GRIK2: variants seen among roughly 807,000 people sequenced by gnomAD.
GRIK2 encodes glutamate ionotropic receptor kainate type subunit 2, also known as glutamate receptor ionotropic, kainate 2.
In GRIK2, 32 loss-of-function variants were observed where a neutral mutation model predicts 100.3. The ratio of observed to expected loss-of-function variants is 0.32; its 90% CI spans 0.24 to 0.43. GRIK2 has a LOEUF of 0.43. Among genes scored for constraint, GRIK2 ranks in the 20% least tolerant of loss-of-function variants. The probability of loss-of-function intolerance (pLI) is 1.00; values close to 1 mark genes in which losing one functional copy is unlikely to be tolerated. For missense variants in GRIK2, 843 were observed against 1,114.9 expected (o/e 0.76, Z 3.47); for synonymous variants, 417 against 389.4 (o/e 1.07, Z -0.83).
intron 4 of GRIK2, among the ~76,000 whole-genome samples, chr6:101,639,442 A>T (rs1781180217): frequency 6.6e-6 from 1 of 152,132 alleles, no homozygotes; most frequent in Non-Finnish European, 1.5e-5. Flanking sequence ...GGTATTTCTG[A>T]TACAGAATCA....
At chr6:101,761,031 A>T (rs996862375) in intron 7 of GRIK2, among the ~76,000 whole-genome samples, 8 of 152,100 alleles carry the variant, frequency 5.3e-5, no homozygotes, top group African/African-American at 1.7e-4. Context: ...TCAGAAATGA[A>T]TCTGAACAGA....
intron 14 of GRIK2, among the ~76,000 whole-genome samples, chr6:101,933,910 T>C (rs185076757): frequency 3.3e-5 from 5 of 152,094 alleles, no homozygotes; most frequent in Admixed American, 3.3e-4. Context: ...TATTCCATCC[T>C]AGGTAGAACG....
intron 7 of GRIK2, among the ~76,000 whole-genome samples, chr6:101,751,226 A>G (rs543237006): frequency 6.6e-6 from 1 of 152,132 alleles, no homozygotes; most frequent in East Asian, 1.9e-4. Context: ...GGCATGAGCC[A>G]CCACACCTAG....
At chr6:101,954,393 T>G (rs1310714) in intron 14 of GRIK2, among the ~76,000 whole-genome samples, 48,070 of 151,940 alleles carry the variant, frequency 0.32, 8,231 homozygotes, top group Non-Finnish European at 0.39. Flanking sequence ...TTTCTTTCAA[T>G]GTGTTTTCAC....
intron 2 of GRIK2, among the ~76,000 whole-genome samples, chr6:101,413,858 A>G (rs1290688969): frequency 2.6e-5 from 3 of 117,596 alleles, no homozygotes; most frequent in Non-Finnish European, 5.7e-5. Context: ...TATACAAGCA[A>G]CCAGTCATAC....
At chr6:101,968,035 A>T (rs1355666857) in intron 14 of GRIK2, among the ~76,000 whole-genome samples, 4 of 151,988 alleles carry the variant, frequency 2.6e-5, no homozygotes, top group Admixed American at 2.6e-4. Context: ...AGAACTAGAA[A>T]AGATGTGACT....
intron 12 of GRIK2, among the ~76,000 whole-genome samples, chr6:101,914,991 A>G (rs1332072089): frequency 6.6e-6 from 1 of 151,458 alleles, no homozygotes; most frequent in Non-Finnish European, 1.5e-5. Context: ...AGTATAGAAA[A>G]CGCATTATAG....
At chr6:101,792,032 C>A (rs1288466775) in intron 7 of GRIK2, among the ~76,000 whole-genome samples, 1 of 151,884 alleles carries the variant, frequency 6.6e-6, no homozygotes, top group Non-Finnish European at 1.5e-5. Flanking sequence ...ATTGCAACCC[C>A]TGCCTTTTTT....
At chr6:101,426,399 C>T (rs534726404) in intron 2 of GRIK2, among the ~76,000 whole-genome samples, 14 of 152,246 alleles carry the variant, frequency 9.2e-5, no homozygotes, top group African/African-American at 2.2e-4. Context: ...CACCCTGCCA[C>T]GCTATTGAAC....
At chr6:101,592,286 G>A (rs979296581) in intron 2 of GRIK2, among the ~76,000 whole-genome samples, 14 of 151,736 alleles carry the variant, frequency 9.2e-5, no homozygotes, top group Non-Finnish European at 1.5e-4. Flanking sequence ...TATTGTGCAG[G>A]AATTTCTATA....
At chr6:101,587,771 C>T (rs1778449531) in intron 2 of GRIK2, among the ~76,000 whole-genome samples, 1 of 151,968 alleles carries the variant, frequency 6.6e-6, no homozygotes, top group African/African-American at 2.4e-5. Context: ...ATCAGAATTG[C>T]TAAATTGGTG....
chr6:101,814,643 G>T (rs1424196987), intron 9 of GRIK2, among the ~76,000 whole-genome samples: 1 of 152,098 alleles, frequency 6.6e-6, no homozygotes, highest in Non-Finnish European at 1.5e-5. Context: ...GCAACATATA[G>T]TAATAATCTT....
chr6:102,004,531 C>G (rs1446363085), intron 14 of GRIK2, among the ~76,000 whole-genome samples: 7 of 151,806 alleles, frequency 4.6e-5, no homozygotes, highest in Non-Finnish European at 1.0e-4. Flanking sequence ...CCACTTAAGG[C>G]CTGCTTAATT....
chr6:101,583,226 G>A (rs998428462), intron 2 of GRIK2, among the ~76,000 whole-genome samples: 3 of 152,080 alleles, frequency 2.0e-5, no homozygotes, highest in East Asian at 1.9e-4. Context: ...GGAGTCGGCT[G>A]GTGGAGGGAT....
intron 2 of GRIK2, among the ~76,000 whole-genome samples, chr6:101,434,669 A>G (rs867137936): frequency 5.1e-4 from 77 of 152,172 alleles, no homozygotes; most frequent in African/African-American, 1.7e-3. Flanking sequence ...GAATGAGACC[A>G]ATCCTTTTAC....
chr6:101,410,584 A>G lies in GRIK2; in HGVS notation c.115+11192A>G, dbSNP rs36088076. Among the ~76,000 whole-genome samples the G allele has an allele frequency of 7.4e-3, 1,131 of 152,244 alleles. 12 individuals are homozygous for G. The highest frequency in any genetic ancestry group is 0.024 in the Middle Eastern group (7 of 294). ...AGTGTCTAGGGAGAGACAAGAGAGG[A>G]CAACCTACACCTCCTTGAGCAGTGG... On this transcript the variant is annotated intron_variant, in intron 2 of 16. Coordinates refer to ENST00000369134, the MANE Select transcript of GRIK2 (RefSeq NM_021956.5).
chr6:101,446,739 C>T (rs1770401190), intron 2 of GRIK2, among the ~76,000 whole-genome samples: 4 of 151,384 alleles, frequency 2.6e-5, no homozygotes. Context: ...AAATCCTGTA[C>T]TTTGAAGGAT....
At chr6:101,719,973 G>A (rs1380650928) in intron 7 of GRIK2, among the ~76,000 whole-genome samples, 2 of 151,738 alleles carry the variant, frequency 1.3e-5, no homozygotes, top group Non-Finnish European at 2.9e-5. Context: ...GAAAAGGAGA[G>A]AAAAAACACC....
chr6:101,603,043 T>C (rs1345481961), intron 2 of GRIK2, among the ~76,000 whole-genome samples: 4 of 151,704 alleles, frequency 2.6e-5, no homozygotes, highest in African/African-American at 9.7e-5. Context: ...TTAATTTGCC[T>C]TTTGAGGGTC....
Sources: allele counts gnomAD v4.1 joint callset (sites outside exome capture counted in the v4.1 genomes callset), GRCh38; gene constraint gnomAD v4.1.1; transcripts MANE v1.5; gene names NCBI Gene and HGNC (gene_info 2026-07-23, HGNC 2026-07-21).